Variants in MAPK8IP3 observed in about 807,000 individuals in gnomAD.
The protein encoded by MAPK8IP3 is C-Jun-amino-terminal kinase-interacting protein 3.
MAPK8IP3 carries 49 observed loss-of-function variants against 157.8 expected under a neutral mutation model. The observed-to-expected ratio is 0.31, with a 90% confidence interval of 0.25 to 0.39. The LOEUF (loss-of-function observed/expected upper bound fraction) is 0.39, where lower values mean the gene tolerates loss of function less well. Ranked by LOEUF, MAPK8IP3 falls within the 10% of genes least tolerant of loss-of-function variation. The pLI is 1.00. For missense variants in MAPK8IP3, 1,478 were observed against 1,889.4 expected, an observed-to-expected ratio of 0.78 and a Z score of 4.04; for synonymous variants, 897 against 777.7, an observed-to-expected ratio of 1.15 and a Z score of -2.55.
In MAPK8IP3 at chr16:1,768,209, A is replaced by C; in HGVS notation, c.3573A>C (p.Thr1191=). 6.2e-7 allele frequency: 1 copy of C among 1,612,310 alleles called. No homozygotes were observed. Among genetic ancestry groups the C allele is most frequent in the Non-Finnish European group, 8.5e-7 (1 of 1,179,838 alleles). Reference sequence around the variant, plus strand: ...GTTCTCTCCCTGCAGCCAATAAGACATCCCCCACCTCTGGGGAGGGCGCCC... The same window carrying C: ...GTTCTCTCCCTGCAGCCAATAAGACCTCCCCCACCTCTGGGGAGGGCGCCC... The part of the protein sequence containing the change: ...GQLLGLRANK[T]SPTSGEGARP... The change falls in exon 30 of 32, where the codon ACA becomes ACC. Residue 1191 remains threonine, a synonymous_variant. Transcript: ENST00000610761.
At chr16:1,738,919 T>TGAGC (rs1296904226) in intron 4 of MAPK8IP3, among the ~76,000 whole-genome samples, 4 of 111,518 alleles carry the variant, frequency 3.6e-5, no homozygotes, top group Non-Finnish European at 5.3e-5. Flanking sequence ...AGCATCCATG[T>TGAGC]GTGTGAGCGT....
intron 4 of MAPK8IP3, among the ~76,000 whole-genome samples, chr16:1,732,647 T>A (rs968541660): frequency 6.6e-6 from 1 of 152,034 alleles, no homozygotes. Context: ...CAGAGCACCA[T>A]GAGAACTACG....
intron 20 of MAPK8IP3, among the ~76,000 whole-genome samples, chr16:1,765,400 A>C (rs1399630987): frequency 6.6e-6 from 1 of 152,172 alleles, no homozygotes; most frequent in Non-Finnish European, 1.5e-5. Context: ...CTACCTACTC[A>C]GGACCCCACG....
intron 16 of MAPK8IP3, 97 bp from the exon 17 acceptor site, chr16:1,763,560 C>T (rs889443615): frequency 1.2e-5 from 17 of 1,362,252 alleles, no homozygotes; most frequent in Middle Eastern, 1.9e-4. Flanking sequence ...TGGGCCCAGG[C>T]GGGCCTCCCT....
At chr16:1,765,812 G>A in intron 20 of MAPK8IP3, 148 bp from the exon 21 acceptor site, 2 of 720,194 alleles carry the variant, frequency 2.8e-6, no homozygotes, top group Non-Finnish European at 4.6e-6. Flanking sequence ...GGTCGTGGGT[G>A]GGCTGTGGGT....
chr16:1,766,740 C>T lies in MAPK8IP3; in HGVS notation c.2957C>T (p.Ala986Val), dbSNP rs774005014. ...TTCCCTAGGCTCTATGTGCACTCGGCTGTGGCCAACTGGAAGAAGTGCCTG... is the reference window on the plus strand; with the variant it reads ...TTCCCTAGGCTCTATGTGCACTCGGTTGTGGCCAACTGGAAGAAGTGCCTG... Reference protein sequence around the residue: ...AQNGWLYVHSAVANWKKCLHS... With the variant: ...AQNGWLYVHSVVANWKKCLHS... The change falls in exon 24 of 32, where the codon GCT (alanine) becomes GTT (valine). Residue 986 changes from alanine to valine, a missense_variant. Physicochemically the swap from Ala to Val is moderately conservative, Grantham distance 64. This residue lies in a region of MAPK8IP3 where 669 missense variants were observed against 759.8 expected (regional missense o/e 0.88). Coordinates refer to ENST00000610761, the MANE Select transcript of MAPK8IP3 (RefSeq NM_001318852.2). 1.2e-6 allele frequency: 2 copies of T among 1,612,868 alleles called. No homozygotes were observed. Among genetic ancestry groups the T allele is most frequent in the East Asian group, 2.2e-5 (1 of 44,868 alleles).
chr16:1,729,271 C>A (rs926836731), intron 3 of MAPK8IP3, 63 bp downstream of exon 3: 2 of 1,552,858 alleles, frequency 1.3e-6, no homozygotes, highest in Non-Finnish European at 1.8e-6. Flanking sequence ...CTGACGCCTG[C>A]GACTCTTGCG....
chr16:1,723,402 ACACT>A (rs1182567675), intron 1 of MAPK8IP3, among the ~76,000 whole-genome samples: 1 of 151,982 alleles, frequency 6.6e-6, no homozygotes, highest in Admixed American at 6.6e-5. Context: ...CTGGTCTCAA[ACACT>A]CACTCAGGCT....
chr16:1,758,250 CTG>C, intron 9 of MAPK8IP3, 91 bp downstream of exon 9: 1 of 1,460,976 alleles, frequency 6.8e-7, no homozygotes, highest in Non-Finnish European at 9.5e-7. Context: ...GTCACCGTGG[CTG>C]TGTGGACTGC....
intron 8 of MAPK8IP3, among the ~76,000 whole-genome samples, chr16:1,750,947 T>G (rs2041253486): frequency 2.0e-5 from 3 of 152,058 alleles, no homozygotes. Context: ...CCTGGCCGAT[T>G]GTTTTAATGT....
In MAPK8IP3 at chr16:1,766,289, C is replaced by A; in HGVS notation, c.2699C>A (p.Thr900Lys). The A allele has an allele frequency of 6.2e-7, 1 of 1,612,676 alleles. No homozygotes were observed. The highest frequency in any genetic ancestry group is 1.7e-5 in the Admixed American group (1 of 60,028). The change falls in exon 22 of 32, where the codon ACG becomes AAG. Residue 900 changes from threonine (T) to lysine (K), a missense_variant. Coordinates refer to ENST00000610761, the MANE Select transcript of MAPK8IP3 (RefSeq NM_001318852.2). ...SQSTEEATEA[T>K]EVPDPGPSEP... ...TCCACAGAGGAGGCCACAGAGGCCA[C>A]GGAGGTGCCAGACCCTGGGCCCAGC...
chr16:1,739,840 G>A (rs539595692), intron 4 of MAPK8IP3, among the ~76,000 whole-genome samples: 11 of 130,464 alleles, frequency 8.4e-5, no homozygotes, highest in Non-Finnish European at 1.6e-4. Flanking sequence ...GTGACCGTCC[G>A]TGTGAGCATC....
rs1434183803 is a variant in MAPK8IP3, at chr16:1,743,324, C to A, written c.603-8C>A. On this transcript the variant is annotated splice_region_variant and splice_polypyrimidine_tract_variant and intron_variant, in intron 4 of 31. Transcript: ENST00000610761. The surrounding 1 kb of genome is among the most constrained non-coding windows in gnomAD (Gnocchi z 5.6). ...CATCGCTTCCTCTCCTCTCGCCCCC[C>A]ATTTCAGCAGGAAGGAGCGCCCCAC... is the stretch of plus-strand genomic sequence containing the variant. The A allele has an allele frequency of 6.5e-6, 10 of 1,547,444 alleles. No individual in the cohort carries two copies. The highest frequency in any genetic ancestry group is 7.8e-6 in the Non-Finnish European group (9 of 1,154,356).
chr16:1,752,806 T>C (rs893979811), intron 8 of MAPK8IP3, among the ~76,000 whole-genome samples: 64 of 148,830 alleles, frequency 4.3e-4, no homozygotes, highest in Non-Finnish European at 9.2e-4. Flanking sequence ...TCCTGATGAG[T>C]GGGGACCTCC....
intron 1 of MAPK8IP3, among the ~76,000 whole-genome samples, chr16:1,715,186 G>T (rs906836463): frequency 6.6e-6 from 1 of 152,150 alleles, no homozygotes; most frequent in African/African-American, 2.4e-5. Context: ...TTCACAGAAC[G>T]TGAGGAAGCC....
intron 4 of MAPK8IP3, among the ~76,000 whole-genome samples, chr16:1,734,334 G>A (rs538926252): frequency 5.9e-5 from 9 of 152,338 alleles, no homozygotes; most frequent in Admixed American, 3.3e-4. Context: ...CCTGGCCGGC[G>A]GTGGTACTGA....
At chr16:1,761,076 C>G in intron 12 of MAPK8IP3, 148 bp from the exon 13 acceptor site, 2 of 662,764 alleles carry the variant, frequency 3.0e-6, no homozygotes, top group South Asian at 3.3e-5. Context: ...GGCCCTGAAC[C>G]AAACGGCTGC....
At chr16:1,756,624 AC>A (rs1293824695) in intron 8 of MAPK8IP3, among the ~76,000 whole-genome samples, 1 of 12,034 alleles carries the variant, frequency 8.3e-5, no homozygotes. Flanking sequence ...TTTTACTAAA[AC>A]ACACACACAC....
chr16:1,761,799 T>A (rs1224349992), intron 13 of MAPK8IP3, among the ~76,000 whole-genome samples: 1 of 152,262 alleles, frequency 6.6e-6, no homozygotes, highest in South Asian at 2.1e-4. Flanking sequence ...TCCCACACAT[T>A]CACACGCTGG....
Sources: allele counts gnomAD v4.1 joint callset (sites outside exome capture counted in the v4.1 genomes callset), GRCh38; gene constraint gnomAD v4.1.1; regional missense constraint gnomAD v4.1.1; non-coding constraint Gnocchi (gnomAD v3.1); transcripts MANE v1.5; gene names NCBI Gene and HGNC (gene_info 2026-07-23, HGNC 2026-07-21).